The following MCM9 variants were observed in gnomAD, a reference collection of about 807,000 sequenced individuals.
MCM9 encodes minichromosome maintenance 9 homologous recombination repair factor, also known as DNA helicase MCM9.
MCM9 carries 55 observed loss-of-function variants against 72.8 expected under a neutral mutation model. The observed-to-expected ratio is 0.76, with a 90% CI of 0.61 to 0.95. MCM9 has a LOEUF of 0.95. MCM9 is among the 40% of genes least tolerant of loss of function. MCM9 has a pLI of 0.00. For missense variants in MCM9, 1,279 were observed against 1,377.0 expected (o/e 0.93, Z 1.13); for synonymous variants, 480 against 503.4 (o/e 0.95, Z 0.62).
intron 8 of MCM9, among the ~76,000 whole-genome samples, chr6:118,901,464 A>T (rs554498213): frequency 6.7e-6 from 1 of 149,172 alleles, no homozygotes; most frequent in South Asian, 2.1e-4. Context: ...ATTATCTTAT[A>T]AGAGGACTAC....
At chr6:118,923,457 T>C (rs893832417) in intron 4 of MCM9, among the ~76,000 whole-genome samples, 1 of 152,180 alleles carries the variant, frequency 6.6e-6, no homozygotes, top group African/African-American at 2.4e-5. Flanking sequence ...GCCACTCCAA[T>C]GTTTAACCAT....
chr6:118,875,963 G>A (rs941696507), intron 8 of MCM9, among the ~76,000 whole-genome samples: 1 of 152,098 alleles, frequency 6.6e-6, no homozygotes, highest in African/African-American at 2.4e-5. Context: ...CATAATTGCC[G>A]AAACTTGGGG....
intron 9 of MCM9, among the ~76,000 whole-genome samples, chr6:118,853,526 G>A (rs187016791): frequency 4.1e-4 from 63 of 152,200 alleles, no homozygotes; most frequent in African/African-American, 1.5e-3. Context: ...ACTGGGCTGG[G>A]CATGGTGGCT....
At position 118,935,139 on chromosome 6, in the gene MCM9, G is replaced by C. The variant is rs1256481507; in HGVS notation, c.-398C>G. 4 of 152,248 alleles carry C rather than the reference G, an allele frequency of 2.6e-5. No individual in the cohort carries two copies. Among genetic ancestry groups the C allele is most frequent in the African/African-American group, 4.8e-5 (2 of 41,458 alleles). The allele number at this position is 152,248 out of a possible 1,614,324, so 9.4% of individuals were successfully genotyped here. ...GGCCGCGCACCGCCTCAACTTCCCT[G>C]CCCCGGCGGCTCTTCCGGATGGAGA... On this transcript the variant is annotated 5_prime_UTR_variant, in exon 1 of 14. Coordinates refer to ENST00000619706, the MANE Select transcript of MCM9 (RefSeq NM_017696.3).
chr6:118,918,014 A>G (rs987494339), intron 5 of MCM9: 5 of 496,480 alleles, frequency 1.0e-5, no homozygotes, highest in Non-Finnish European at 1.4e-5. Flanking sequence ...CTACATGATA[A>G]TCCTACAAAA....
At chr6:118,833,785 A>G (rs551052372) in intron 9 of MCM9, among the ~76,000 whole-genome samples, 1 of 152,252 alleles carries the variant, frequency 6.6e-6, no homozygotes, top group African/African-American at 2.4e-5. Context: ...TGGGAGGAGG[A>G]GGAAATGGGA....
intron 8 of MCM9, among the ~76,000 whole-genome samples, chr6:118,890,325 C>A (rs1156649642): frequency 6.6e-6 from 1 of 152,168 alleles, no homozygotes; most frequent in Non-Finnish European, 1.5e-5. Flanking sequence ...GGACAGCCAT[C>A]AGAGGAATGG....
At chr6:118,877,342 C>G (rs145863634) in intron 8 of MCM9, among the ~76,000 whole-genome samples, 32 of 152,188 alleles carry the variant, frequency 2.1e-4, no homozygotes, top group African/African-American at 7.5e-4. Context: ...ATAACCTAGC[C>G]AAGACCACTA....
At chr6:118,877,904 T>A (rs1001890398) in intron 8 of MCM9, among the ~76,000 whole-genome samples, 5 of 152,214 alleles carry the variant, frequency 3.3e-5, no homozygotes, top group African/African-American at 1.2e-4. Context: ...GGCTCTCACC[T>A]GTAATCTCAA....
intron 8 of MCM9, among the ~76,000 whole-genome samples, chr6:118,873,644 C>T (rs2114336168): frequency 6.6e-6 from 1 of 152,214 alleles, no homozygotes; most frequent in South Asian, 2.1e-4. Context: ...AATAACCTTC[C>T]AAAACACAAA....
intron 9 of MCM9, among the ~76,000 whole-genome samples, chr6:118,834,326 T>C (rs1195860085): frequency 1.4e-5 from 2 of 147,756 alleles, no homozygotes; most frequent in Admixed American, 1.3e-4. Context: ...AACATACGTG[T>C]GTATGTGTCT....
intron 8 of MCM9, among the ~76,000 whole-genome samples, chr6:118,870,106 A>G (rs1051987160): frequency 6.6e-6 from 1 of 152,210 alleles, no homozygotes; most frequent in Non-Finnish European, 1.5e-5. Flanking sequence ...TAGACAGAAA[A>G]TCAATATGAA....
chr6:118,832,558 G>A (rs145854123), intron 9 of MCM9, among the ~76,000 whole-genome samples: 1,944 of 152,288 alleles, frequency 0.013, 19 homozygotes, highest in Non-Finnish European at 0.021. Context: ...ATAAAAGGAT[G>A]CTGATACATA....
intron 8 of MCM9, among the ~76,000 whole-genome samples, chr6:118,890,486 G>C (rs1351593875): frequency 6.6e-6 from 1 of 152,088 alleles, no homozygotes; most frequent in Non-Finnish European, 1.5e-5. Context: ...AACATAACTG[G>C]TTACAGGTGC....
rs555247429 is a variant in MCM9 at position 118,882,025 on chromosome 6, A to G, written c.1151-25480T>C. On this transcript the variant is annotated intron_variant, in intron 8 of 13. Coordinates refer to ENST00000619706, the MANE Select transcript of MCM9 (RefSeq NM_017696.3). The stretch of plus-strand genomic sequence containing the variant: ...CTTATCCCCTCCACGTGTGAGGTAC[A>G]GAAGCTAAATTCCTGGTGACTGTGG... 1.2e-4 allele frequency among the ~76,000 whole-genome samples: 18 copies of G among 152,322 alleles called. No individual in the cohort carries two copies. In the East Asian group the frequency reaches 3.5e-3, roughly 29 times the overall value.
intron 8 of MCM9, among the ~76,000 whole-genome samples, chr6:118,893,380 T>TA (rs1373628166): frequency 6.6e-6 from 1 of 152,228 alleles, no homozygotes; most frequent in African/African-American, 2.4e-5. Context: ...TTTTCTCCTT[T>TA]TATGTTCCTG....
At chr6:118,928,170 G>T (rs1336924346) in intron 3 of MCM9, among the ~76,000 whole-genome samples, 1 of 152,184 alleles carries the variant, frequency 6.6e-6, no homozygotes, top group Non-Finnish European at 1.5e-5. Context: ...CCAGAACTGG[G>T]GAGGCTGAGG....
At chr6:118,923,770 AC>A (rs1045104214) in intron 4 of MCM9, 40 bp downstream of exon 4, 3 of 1,560,826 alleles carry the variant, frequency 1.9e-6, no homozygotes, top group Non-Finnish European at 2.6e-6. Context: ...GCTGAAAAAC[AC>A]TTCTTCAAAT....
chr6:118,916,474 T>TATTATG (rs1267352772), intron 6 of MCM9, among the ~76,000 whole-genome samples: 3 of 140,824 alleles, frequency 2.1e-5, no homozygotes, highest in Non-Finnish European at 4.6e-5. Context: ...TTATTATTAT[T>TATTATG]ATGAGACAGA....
Sources: gnomAD v4.1 joint callset for allele counts (sites outside exome capture counted in the v4.1 genomes callset) on GRCh38, gnomAD v4.1.1 for gene constraint, MANE v1.5 for transcripts, NCBI Gene and HGNC (gene_info 2026-07-23, HGNC 2026-07-21) for gene names.